Variants in NUP50 observed in about 807,000 individuals in gnomAD.
NUP50 encodes the protein nucleoporin 50, also known as nuclear pore complex protein Nup50.
Under a neutral mutation model 36.8 loss-of-function variants are expected in NUP50, and 14 were observed. That is an observed-to-expected ratio of 0.38 (90% CI 0.25 to 0.59). The LOEUF (loss-of-function observed/expected upper bound fraction) is 0.59. NUP50 is among the 20% of genes least tolerant of loss of function. NUP50 has a pLI of 0.63. For synonymous variants in NUP50, 195 were observed against 210.8 expected, an observed-to-expected ratio of 0.93 and a Z score of 0.65; for missense variants, 455 against 564.6, an observed-to-expected ratio of 0.81 and a Z score of 1.97.
rs1409236136 is a variant in NUP50, at chr22:45,187,306, TTA to T, written c.*2653_*2654del. The T allele has an allele frequency of 6.6e-6, 1 of 152,410 alleles. No homozygotes were observed. Among genetic ancestry groups the T allele is most frequent in the East Asian group, 1.9e-4 (1 of 5,202 alleles). The allele number at this position is 152,410 out of a possible 1,614,324, so 9.4% of individuals were successfully genotyped here. A position where few individuals can be genotyped will look rare whatever the true frequency, so the allele number is the denominator to read the frequency against. On this transcript the variant is annotated 3_prime_UTR_variant, in exon 8 of 8. Transcript: ENST00000347635. The stretch of plus-strand genomic sequence containing the variant: ...TGGCCAGTTTTTAAAGAAGTTTAGA[TTA>T]TGTTTTCCATGGAAGGACAAGTCTG...
At chr22:45,172,395 T>C (rs2074209545) in intron 3 of NUP50, among the ~76,000 whole-genome samples, 2 of 152,066 alleles carry the variant, frequency 1.3e-5, no homozygotes, top group Admixed American at 6.6e-5. Context: ...TATTCTTGGG[T>C]GTCTCTAATC....
At chr22:45,171,174 A>G (rs200853075) in intron 2 of NUP50, 85 of 831,288 alleles carry the variant, frequency 1.0e-4, no homozygotes, top group East Asian at 3.4e-4. Context: ...CTTAAAAATC[A>G]TGTGTATGTT....
intron 4 of NUP50, chr22:45,177,786 T>C (rs2074299749): frequency 6.4e-6 from 1 of 157,112 alleles, no homozygotes; most frequent in Non-Finnish European, 1.4e-5. Context: ...TGATAACTGG[T>C]TACTAAATTC....
At chr22:45,168,321 G>T in intron 2 of NUP50, 75 bp downstream of exon 2, 1 of 1,144,262 alleles carries the variant, frequency 8.7e-7, no homozygotes, top group Non-Finnish European at 1.3e-6. Context: ...TCCTCATGAA[G>T]ACTTGTGACA....
At chr22:45,170,514 C>T (rs1395683725) in intron 2 of NUP50, among the ~76,000 whole-genome samples, 1 of 152,180 alleles carries the variant, frequency 6.6e-6, no homozygotes, top group African/African-American at 2.4e-5. Flanking sequence ...TATTCTTAGA[C>T]GGCCATCTTC....
chr22:45,178,809 C>T lies in NUP50; in HGVS notation c.912C>T (p.Gly304=). The T allele has an allele frequency of 1.2e-6, 2 of 1,613,994 alleles. No homozygotes were observed. The highest frequency in any genetic ancestry group is 1.7e-6 in the Non-Finnish European group (2 of 1,179,920). The change falls in exon 5 of 8, where the codon GGC becomes GGT. Residue 304 remains glycine (G), a synonymous_variant. Transcript: ENST00000347635. Reference sequence around the variant, plus strand: ...CCCCTGGAAACTCCAGTTTATTTGGCAAAGATACTACCCAGAGTAAACCAG... The same window carrying T: ...CCCCTGGAAACTCCAGTTTATTTGGTAAAGATACTACCCAGAGTAAACCAG... ...SFSPGNSSLF[G]KDTTQSKPVS...
chr22:45,178,006 A>G (rs2074303569), intron 4 of NUP50: 1 of 488,130 alleles, frequency 2.0e-6, no homozygotes, highest in Non-Finnish European at 3.7e-6. Context: ...GGTGCCCGTA[A>G]TCCCACCTAC....
chr22:45,186,166 C>T lies in NUP50; in HGVS notation c.*1511C>T, dbSNP rs2147716907. On this transcript the variant is annotated 3_prime_UTR_variant, in exon 8 of 8. Coordinates refer to ENST00000347635, the MANE Select transcript of NUP50 (RefSeq NM_007172.4). ...TTGCTCTACTTCCAGTGTTTTGATTCCACTGGGAGAATTTGGCCTAGTGTG... is the reference window on the plus strand; with the variant it reads ...TTGCTCTACTTCCAGTGTTTTGATTTCACTGGGAGAATTTGGCCTAGTGTG... 1 of 152,330 alleles carries T rather than the reference C, an allele frequency of 6.6e-6. No homozygotes were observed. Among genetic ancestry groups the T allele is most frequent in the Admixed American group, 6.5e-5 (1 of 15,288 alleles). 9.4% of individuals were successfully genotyped at this position (152,330 alleles called of 1,614,324 possible). A position where few individuals can be genotyped will look rare whatever the true frequency, so the allele number is the denominator to read the frequency against.
At position 45,186,997 on chromosome 22, in the gene NUP50, TTA is replaced by T; in HGVS notation, c.*2343_*2344del. On this transcript the variant is annotated 3_prime_UTR_variant, in exon 8 of 8. Transcript: ENST00000347635. ...TTTATGCGTTTAGTTTGACTTATTT[TTA>T]ACAAAATATTAGAAGTTATGCTTTA... is the stretch of plus-strand genomic sequence containing the variant. 6.6e-6 allele frequency: 1 copy of T among 152,232 alleles called. No homozygotes were observed. The highest frequency in any genetic ancestry group is 6.5e-5 in the Admixed American group (1 of 15,286). 9.4% of individuals were successfully genotyped at this position (152,232 alleles called of 1,614,324 possible).
intron 5 of NUP50, among the ~76,000 whole-genome samples, chr22:45,180,842 TAAAAAAA>T: frequency 6.8e-6 from 1 of 147,340 alleles, no homozygotes; most frequent in South Asian, 2.2e-4. Flanking sequence ...TGTCCCCTGT[TAAAAAAA>T]AAAAAAGTAT....
chr22:45,177,906 A>G (rs2074301695), intron 4 of NUP50: 1 of 251,478 alleles, frequency 4.0e-6, no homozygotes, highest in East Asian at 1.0e-4. Flanking sequence ...AGGCGGGCAG[A>G]TCATGAGGTC....
intron 7 of NUP50, 140 bp from the exon 8 acceptor site, chr22:45,184,313 C>G: frequency 1.3e-6 from 1 of 761,366 alleles, no homozygotes; most frequent in Non-Finnish European, 2.1e-6. Context: ...GGGAACCAGT[C>G]CTGATTTTGT....
At chr22:45,170,215 A>T (rs1036068967) in intron 2 of NUP50, among the ~76,000 whole-genome samples, 1 of 149,926 alleles carries the variant, frequency 6.7e-6, no homozygotes, top group Non-Finnish European at 1.5e-5. Flanking sequence ...ACGCCCAGCC[A>T]TTCAGGGCCA....
intron 6 of NUP50, among the ~76,000 whole-genome samples, chr22:45,182,616 G>T (rs1337050650): frequency 2.4e-5 from 3 of 123,250 alleles, no homozygotes; most frequent in African/African-American, 9.3e-5. Context: ...AAAGAGCCTT[G>T]AGGTTTGTTT....
intron 6 of NUP50, among the ~76,000 whole-genome samples, chr22:45,182,639 T>TTTTTG (rs2074393476): frequency 6.9e-6 from 1 of 144,020 alleles, no homozygotes; most frequent in Non-Finnish European, 1.5e-5. Context: ...TTTTTTTTTT[T>TTTTTG]TTTGAGACGG....
At chr22:45,171,837 CG>C in intron 3 of NUP50, 154 bp downstream of exon 3, 1 of 618,158 alleles carries the variant, frequency 1.6e-6, no homozygotes, top group Middle Eastern at 2.6e-4. Flanking sequence ...AAATAAGAAA[CG>C]TCAGGTCTGG....
chr22:45,171,129 C>T, intron 2 of NUP50: 1 of 1,243,040 alleles, frequency 8.0e-7, no homozygotes. Context: ...GCCTCCGTGG[C>T]CTTTCGTACA....
At chr22:45,180,668 G>T (rs2074353499) in intron 5 of NUP50, among the ~76,000 whole-genome samples, 1 of 152,144 alleles carries the variant, frequency 6.6e-6, no homozygotes, top group Admixed American at 6.5e-5. Context: ...GTGAGCCACT[G>T]TACACAGCCT....
At chr22:45,181,729 C>T (rs1041021682) in intron 6 of NUP50, among the ~76,000 whole-genome samples, 17 of 152,256 alleles carry the variant, frequency 1.1e-4, no homozygotes, top group African/African-American at 3.1e-4. Context: ...CAGAGTCAGT[C>T]AGTGATTTCA....
Sources: gnomAD v4.1 joint callset for allele counts (sites outside exome capture counted in the v4.1 genomes callset) on GRCh38, gnomAD v4.1.1 for gene constraint, MANE v1.5 for transcripts, NCBI Gene and HGNC (gene_info 2026-07-23, HGNC 2026-07-21) for gene names.